The following FLNB variants were observed in gnomAD, a reference collection of about 807,000 sequenced individuals.
FLNB encodes the protein filamin B, also known as filamin-B.
FLNB carries 111 observed loss-of-function variants against 250.6 expected under a neutral mutation model. The ratio of observed to expected loss-of-function variants is 0.44; its 90% CI spans 0.38 to 0.52. The LOEUF is 0.52. Ranked by LOEUF, FLNB falls within the 20% of genes least tolerant of loss-of-function variation. The probability of loss-of-function intolerance (pLI) is 0.00; values close to 1 mark genes in which losing one functional copy is unlikely to be tolerated. For synonymous variants in FLNB, 1,302 were observed against 1,372.1 expected (o/e 0.95, Z 1.13); for missense variants, 2,869 against 3,447.8 (o/e 0.83, Z 4.20).
At chr3:58,146,781 C>G (rs745949395) in intron 33 of FLNB, 39 bp from the exon 34 acceptor site, 2 of 1,610,840 alleles carry the variant, frequency 1.2e-6, no homozygotes, top group East Asian at 2.2e-5. Flanking sequence ...CAAGGCAACT[C>G]TCTCCCTAAC....
At chr3:58,110,281 G>T in intron 16 of FLNB, 111 bp downstream of exon 16, 1 of 1,128,204 alleles carries the variant, frequency 8.9e-7, no homozygotes, top group South Asian at 1.3e-5. Flanking sequence ...TATTATTTTT[G>T]AGATGGAGTC....
chr3:58,110,655 A>C (rs1465501752), intron 16 of FLNB, among the ~76,000 whole-genome samples: 2 of 152,168 alleles, frequency 1.3e-5, no homozygotes, highest in Non-Finnish European at 2.9e-5. Flanking sequence ...CATGTTAGCC[A>C]GGCTGGTCTC....
At chr3:58,152,855 G>A (rs1286508826) in intron 38 of FLNB, 4 of 680,226 alleles carry the variant, frequency 5.9e-6, no homozygotes, top group Admixed American at 2.7e-5. Context: ...TTGGCATGAC[G>A]TGAGCAGCTC....
intron 1 of FLNB, among the ~76,000 whole-genome samples, chr3:58,010,780 C>G (rs949409224): frequency 5.3e-5 from 8 of 152,164 alleles, no homozygotes; most frequent in African/African-American, 1.9e-4. Flanking sequence ...TCACAGACTG[C>G]CTGATCTACC....
chr3:58,056,379 G>A lies in FLNB; in HGVS notation c.293-20667G>A, dbSNP rs546313064. On this transcript the variant is annotated intron_variant, in intron 1 of 45. Transcript: ENST00000295956. ...GGCTCCCAAAGTCCTGGGATTACAGGTGTGAGCCACCGCACCCGGCCAGAT... is the reference window on the plus strand; with the variant it reads ...GGCTCCCAAAGTCCTGGGATTACAGATGTGAGCCACCGCACCCGGCCAGAT... Among the ~76,000 whole-genome samples, 5 of 152,058 alleles carry A rather than the reference G, an allele frequency of 3.3e-5. No homozygotes were observed. In the East Asian group the frequency reaches 9.7e-4, roughly 29 times the overall value.
At chr3:58,129,287 G>A (rs1202180139) in intron 24 of FLNB, among the ~76,000 whole-genome samples, 1 of 152,222 alleles carries the variant, frequency 6.6e-6, no homozygotes, top group Non-Finnish European at 1.5e-5. Flanking sequence ...TCTGGCATGA[G>A]GGAATGGTGA....
chr3:58,125,585 C>G lies in FLNB; in HGVS notation c.3903C>G (p.Leu1301=). The change falls in exon 23 of 46, where the codon CTC becomes CTG. Residue 1301 remains leucine, a synonymous_variant. Transcript: ENST00000295956. The part of the protein sequence containing the change: ...QVEYTPFEKG[L]HVVEVTYDDV... ...TCTGTTTGTTGTTTTGAGCAGGTCT[C>G]CATGTAGTGGAGGTGACATATGATG... 2 of 1,614,172 alleles carry G rather than the reference C, an allele frequency of 1.2e-6. No individual in the cohort carries two copies. The highest frequency in any genetic ancestry group is 2.2e-5 in the East Asian group (1 of 44,880).
chr3:58,024,261 A>T (rs1486698517), intron 1 of FLNB, among the ~76,000 whole-genome samples: 2 of 152,128 alleles, frequency 1.3e-5, no homozygotes, highest in African/African-American at 4.8e-5. Flanking sequence ...AGACTTGGGG[A>T]AGGTTGTTTG....
chr3:58,170,566 G>A lies in FLNB; in HGVS notation c.7622-9G>A. 1 of 1,613,900 alleles carries A rather than the reference G, an allele frequency of 6.2e-7. No homozygotes were observed. Among genetic ancestry groups the A allele is most frequent in the East Asian group, 2.2e-5 (1 of 44,880 alleles). On this transcript the variant is annotated splice_polypyrimidine_tract_variant and intron_variant, in intron 45 of 45. Transcript: ENST00000295956. ...CATCCGGGTGGAGTAACCACCTTTT[G>A]CCTCCTAGGCTCCAACATGCTGCTG...
At chr3:58,010,588 GC>G (rs1469394880) in intron 1 of FLNB, among the ~76,000 whole-genome samples, 2 of 152,192 alleles carry the variant, frequency 1.3e-5, no homozygotes, top group African/African-American at 2.4e-5. Context: ...TCAGAAACCA[GC>G]CTCCCCTCTG....
intron 16 of FLNB, among the ~76,000 whole-genome samples, chr3:58,111,461 C>T (rs930750286): frequency 1.1e-4 from 16 of 152,166 alleles, no homozygotes; most frequent in Non-Finnish European, 2.1e-4. Flanking sequence ...TTCCTTCCCC[C>T]AGCCCCATGT....
chr3:58,020,383 C>T (rs183531070), intron 1 of FLNB, among the ~76,000 whole-genome samples: 125 of 152,260 alleles, frequency 8.2e-4, no homozygotes, highest in Non-Finnish European at 1.6e-3. Context: ...CAGGTAGCCT[C>T]GTGCTGTGGC....
rs1575484220 is a variant in FLNB at position 58,168,652 on chromosome 3, G to T, written c.7411G>T (p.Val2471Leu). The T allele has an allele frequency of 6.8e-6, 11 of 1,612,836 alleles. No homozygotes were observed. In the East Asian group the frequency reaches 2.5e-4, roughly 36 times the overall value. The change falls in exon 44 of 46, where the codon GTG (valine) becomes TTG (leucine). Residue 2471 changes from valine (V) to leucine (L), a missense_variant. This residue lies in a region of FLNB where 1,084 missense variants were observed against 1,315.5 expected (regional missense o/e 0.82). Transcript: ENST00000295956. Reference protein sequence around the residue: ...HIVGSPFKAKVTGQRLVSPGS... With the variant: ...HIVGSPFKAKLTGQRLVSPGS... ...CGTGGGCAGTCCCTTCAAGGCCAAG[G>T]TGACAGGTAACGAACAACCACCTTC...
intron 1 of FLNB, among the ~76,000 whole-genome samples, chr3:58,030,305 A>G (rs921804061): frequency 1.3e-5 from 2 of 152,212 alleles, no homozygotes; most frequent in African/African-American, 4.8e-5. Context: ...AAGGAAAATG[A>G]TTGGCTCATG....
At chr3:58,070,660 CTT>C (rs1202591087) in intron 1 of FLNB, among the ~76,000 whole-genome samples, 7 of 89,662 alleles carry the variant, frequency 7.8e-5, no homozygotes, top group Non-Finnish European at 8.0e-5. Context: ...CTCTCTCTCT[CTT>C]TTTTTTTTTT....
chr3:58,142,002 C>T lies in FLNB; in HGVS notation c.5181+73C>T. The T allele has an allele frequency of 7.6e-7, 1 of 1,320,640 alleles. No homozygotes were observed. The highest frequency in any genetic ancestry group is 2.3e-5 in the East Asian group (1 of 43,470). The allele number at this position is 1,320,640 out of a possible 1,614,324, so 81.8% of individuals were successfully genotyped here. A position where few individuals can be genotyped will look rare whatever the true frequency, so the allele number is the denominator to read the frequency against. On this transcript the variant is annotated intron_variant, in intron 30 of 45. Transcript: ENST00000295956. The surrounding 1 kb of genome is among the most constrained non-coding windows in gnomAD (Gnocchi z 4.3). ...TTCATTTCAGAAAATCTGCCATCTG[C>T]TTCTGGGATTGCTTAAGCCCTGTGG...
chr3:58,135,042 G>A (rs1051806024), intron 27 of FLNB, among the ~76,000 whole-genome samples: 1 of 151,830 alleles, frequency 6.6e-6, no homozygotes, highest in African/African-American at 2.4e-5. Flanking sequence ...TTTTAAAGAT[G>A]GGGTTTCACC....
chr3:58,043,759 C>T (rs914041623), intron 1 of FLNB, among the ~76,000 whole-genome samples: 1 of 152,156 alleles, frequency 6.6e-6, no homozygotes, highest in Non-Finnish European at 1.5e-5. Flanking sequence ...CCAGGATTTG[C>T]TATTAGACTC....
At chr3:58,149,720 C>G in intron 36 of FLNB, 130 bp from the exon 37 acceptor site, 2 of 1,191,936 alleles carry the variant, frequency 1.7e-6, no homozygotes, top group Non-Finnish European at 2.4e-6. Flanking sequence ...GCAAACGAGG[C>G]CGCCATTGCT....
Sources: allele counts gnomAD v4.1 joint callset (sites outside exome capture counted in the v4.1 genomes callset), GRCh38; gene constraint gnomAD v4.1.1; regional missense constraint gnomAD v4.1.1; non-coding constraint Gnocchi (gnomAD v3.1); transcripts MANE v1.5; gene names NCBI Gene and HGNC (gene_info 2026-07-23, HGNC 2026-07-21).